ADGB: variants seen among roughly 807,000 people sequenced by gnomAD.
ADGB encodes the protein androglobin, also known as calpain-7-like protein.
ADGB carries 172 observed loss-of-function variants against 210.5 expected under a neutral mutation model. That is an observed-to-expected ratio of 0.82 (90% CI 0.72 to 0.93). The LOEUF (loss-of-function observed/expected upper bound fraction) is 0.93. Ranked by LOEUF, ADGB falls within the 40% of genes least tolerant of loss-of-function variation. The pLI, the probability that ADGB is intolerant of heterozygous loss-of-function variation, is 0.00. For synonymous variants in ADGB, 658 were observed against 662.7 expected (o/e 0.99, Z 0.11); for missense variants, 2,025 against 1,964.8 (o/e 1.03, Z -0.58).
chr6:146,641,110 C>T (rs553690875), intron 2 of ADGB, among the ~76,000 whole-genome samples: 5 of 151,982 alleles, frequency 3.3e-5, no homozygotes, highest in East Asian at 1.9e-4. Context: ...TATTCCTATA[C>T]GCCAACAATA....
intron 4 of ADGB, among the ~76,000 whole-genome samples, chr6:146,656,482 T>G (rs924006571): frequency 2.6e-5 from 4 of 152,186 alleles, no homozygotes; most frequent in Non-Finnish European, 2.9e-5. Flanking sequence ...TAAATATCAG[T>G]GTCAAATAGA....
chr6:146,769,507 T>C (rs1414563047), intron 29 of ADGB, among the ~76,000 whole-genome samples: 1 of 152,152 alleles, frequency 6.6e-6, no homozygotes, highest in Non-Finnish European at 1.5e-5. Flanking sequence ...GCTTTTAAAA[T>C]ATTTCACAAA....
At chr6:146,711,658 G>T (rs1162346742) in intron 13 of ADGB, among the ~76,000 whole-genome samples, 1 of 151,936 alleles carries the variant, frequency 6.6e-6, no homozygotes, top group Non-Finnish European at 1.5e-5. Flanking sequence ...ATTTCAATTT[G>T]GAAGTCATTT....
At chr6:146,672,519 G>T (rs550224072) in intron 8 of ADGB, 52 bp downstream of exon 8, 1 of 1,465,228 alleles carries the variant, frequency 6.8e-7, no homozygotes. Flanking sequence ...GCATATAAAT[G>T]CCTTACAATT....
intron 2 of ADGB, among the ~76,000 whole-genome samples, chr6:146,642,541 T>G (rs1775533242): frequency 6.6e-6 from 1 of 151,598 alleles, no homozygotes; most frequent in African/African-American, 2.4e-5. Flanking sequence ...ACACTATGGA[T>G]ACATATACAC....
chr6:146,786,702 A>C (rs549630728), intron 32 of ADGB, among the ~76,000 whole-genome samples: 2 of 152,182 alleles, frequency 1.3e-5, no homozygotes, highest in African/African-American at 4.8e-5. Flanking sequence ...GGGATCTGAA[A>C]TATTTCTAAC....
intron 4 of ADGB, among the ~76,000 whole-genome samples, chr6:146,655,345 A>G (rs550949699): frequency 6.6e-6 from 1 of 152,156 alleles, no homozygotes; most frequent in Non-Finnish European, 1.5e-5. Context: ...TTGGATTACA[A>G]TACCTCTTCC....
In ADGB at chr6:146,726,205, T is replaced by G. The variant is rs3747754; in HGVS notation, c.2352+8T>G. Reference sequence around the variant, plus strand: ...CTGCCCAACTTTGAACCAGTAAGTATTTTTGCAACAGCAAGTTATTTATTT... The same window carrying G: ...CTGCCCAACTTTGAACCAGTAAGTAGTTTTGCAACAGCAAGTTATTTATTT... On this transcript the variant is annotated splice_region_variant and intron_variant, in intron 19 of 35. Transcript: ENST00000397944. The G allele has an allele frequency of 1.3e-6, 2 of 1,514,666 alleles. No homozygotes were observed. Among genetic ancestry groups the G allele is most frequent in the Admixed American group, 2.0e-5 (1 of 50,716 alleles). 93.8% of individuals were successfully genotyped at this position (1,514,666 alleles called of 1,614,324 possible).
At chr6:146,787,196 A>G (rs12525635) in intron 32 of ADGB, among the ~76,000 whole-genome samples, 28,486 of 152,160 alleles carry the variant, frequency 0.19, 3,269 homozygotes, top group Middle Eastern at 0.3. Context: ...CACATACAAT[A>G]AAAGCCACAA....
At chr6:146,710,340 A>G (rs1392043453) in intron 13 of ADGB, among the ~76,000 whole-genome samples, 1 of 151,988 alleles carries the variant, frequency 6.6e-6, no homozygotes, top group Non-Finnish European at 1.5e-5. Context: ...TTTCCCATAT[A>G]GATACACAAT....
intron 27 of ADGB, among the ~76,000 whole-genome samples, chr6:146,762,604 C>T (rs76592737): frequency 0.02 from 3,097 of 152,224 alleles, 49 homozygotes; most frequent in Non-Finnish European, 0.03. Flanking sequence ...GCGTGCTACA[C>T]TGCTAAGAGT....
chr6:146,733,362 G>C (rs3761783), intron 21 of ADGB, 107 bp downstream of exon 21: 280,748 of 1,147,078 alleles, frequency 0.24, 36,831 homozygotes, highest in Non-Finnish European at 0.27. Context: ...TGTGTGGACT[G>C]TCATGGAGTT....
At chr6:146,748,560 G>T (rs1423343171) in intron 26 of ADGB, among the ~76,000 whole-genome samples, 1 of 152,038 alleles carries the variant, frequency 6.6e-6, no homozygotes, top group Non-Finnish European at 1.5e-5. Context: ...TCTTCACGTG[G>T]TATCTTCCCC....
At chr6:146,700,451 C>G (rs910007831) in intron 12 of ADGB, among the ~76,000 whole-genome samples, 1 of 152,118 alleles carries the variant, frequency 6.6e-6, no homozygotes, top group Non-Finnish European at 1.5e-5. Context: ...TCTTTACGTA[C>G]CTATAAAATT....
intron 14 of ADGB, among the ~76,000 whole-genome samples, chr6:146,715,752 A>T (rs999308953): frequency 1.3e-5 from 2 of 152,056 alleles, no homozygotes; most frequent in African/African-American, 4.8e-5. Context: ...TTATATATAT[A>T]TTTTTGGATC....
intron 6 of ADGB, among the ~76,000 whole-genome samples, chr6:146,666,081 T>C (rs1178410517): frequency 6.6e-6 from 1 of 152,046 alleles, no homozygotes; most frequent in African/African-American, 2.4e-5. Flanking sequence ...GTGACTAAGA[T>C]AGTAAGATTT....
chr6:146,665,342 C>T (rs1265479977), intron 6 of ADGB, among the ~76,000 whole-genome samples: 1 of 152,030 alleles, frequency 6.6e-6, no homozygotes, highest in Non-Finnish European at 1.5e-5. Context: ...CTGTTTTTTC[C>T]TTACCAGCCC....
chr6:146,758,288 T>C (rs567709295), intron 27 of ADGB, among the ~76,000 whole-genome samples: 1 of 152,224 alleles, frequency 6.6e-6, no homozygotes, highest in Admixed American at 6.6e-5. Flanking sequence ...TTTACACCGG[T>C]ATTATAGTTT....
chr6:146,703,271 A>G (rs1406943153), intron 13 of ADGB, among the ~76,000 whole-genome samples: 1 of 151,920 alleles, frequency 6.6e-6, no homozygotes, highest in African/African-American at 2.4e-5. Flanking sequence ...GATAAAAAAT[A>G]TATGCATTTA....
Sources: gnomAD v4.1 joint callset for allele counts (sites outside exome capture counted in the v4.1 genomes callset) on GRCh38, gnomAD v4.1.1 for gene constraint, MANE v1.5 for transcripts, NCBI Gene and HGNC (gene_info 2026-07-23, HGNC 2026-07-21) for gene names.